Variants in ACACA observed in about 807,000 individuals in gnomAD.
ACACA encodes the protein acetyl-CoA carboxylase alpha.
Under a neutral mutation model 296.1 loss-of-function variants are expected in ACACA, and 103 were observed. The ratio of observed to expected loss-of-function variants is 0.35; its 90% CI spans 0.30 to 0.41. ACACA has a LOEUF of 0.41. Ranked by LOEUF, ACACA falls within the 10% of genes least tolerant of loss-of-function variation. ACACA has a pLI of 1.00. For synonymous variants in ACACA, 953 were observed against 1,038.6 expected, an observed-to-expected ratio of 0.92 and a Z score of 1.58; for missense variants, 1,554 against 2,989.7, an observed-to-expected ratio of 0.52 and a Z score of 11.20.
chr17:37,330,703 G>A (rs1476263516), intron 2 of ACACA, among the ~76,000 whole-genome samples: 1 of 152,118 alleles, frequency 6.6e-6, no homozygotes, highest in Non-Finnish European at 1.5e-5. Context: ...ATTTTCATTT[G>A]GTGGTGTCCA....
chr17:37,369,198 A>C (rs1318912312), intron 1 of ACACA, among the ~76,000 whole-genome samples: 1 of 152,184 alleles, frequency 6.6e-6, no homozygotes, highest in Non-Finnish European at 1.5e-5. Flanking sequence ...CCTGCTACAA[A>C]AACAGGCAAA....
At chr17:37,237,435 C>A (rs965611838) in intron 24 of ACACA, among the ~76,000 whole-genome samples, 1 of 152,186 alleles carries the variant, frequency 6.6e-6, no homozygotes, top group African/African-American at 2.4e-5. Flanking sequence ...TTATTAGGTA[C>A]TGACCAACTG....
intron 45 of ACACA, among the ~76,000 whole-genome samples, chr17:37,130,509 C>T (rs1183760100): frequency 2.6e-5 from 4 of 152,022 alleles, no homozygotes; most frequent in Non-Finnish European, 5.9e-5. Context: ...CAACGCGGCA[C>T]ATGTATACAT....
intron 41 of ACACA, among the ~76,000 whole-genome samples, chr17:37,174,524 T>TTTTTTC (rs941605943): frequency 2.6e-5 from 4 of 152,146 alleles, no homozygotes; most frequent in Non-Finnish European, 4.4e-5. Flanking sequence ...CATTCAATTT[T>TTTTTTC]TTTTTCTTTT....
In ACACA at chr17:37,259,504, C is replaced by T. The variant is rs1298790341; in HGVS notation, c.1356G>A (p.Val452=). ...CCACAGTCCCAGCACTCACATAACC[C>T]ACCATTTTGGCAAGTTTCACCGCAC... ...EQCAVKLAKM[V]GYVSAGTVEY... The change falls in exon 12 of 56, where the codon GTG becomes GTA. Residue 452 remains valine (V), a synonymous_variant. Transcript: ENST00000616317. 2 of 1,614,176 alleles carry T rather than the reference C, an allele frequency of 1.2e-6. No homozygotes were observed. Among genetic ancestry groups the T allele is most frequent in the Non-Finnish European group, 8.5e-7 (1 of 1,180,038 alleles).
intron 14 of ACACA, among the ~76,000 whole-genome samples, chr17:37,254,429 A>C (rs963329125): frequency 2.0e-5 from 3 of 152,132 alleles, no homozygotes; most frequent in Non-Finnish European, 2.9e-5. Flanking sequence ...TACAAACTTC[A>C]ATTATCAATC....
intron 1 of ACACA, among the ~76,000 whole-genome samples, chr17:37,346,636 A>G (rs2048633437): frequency 6.8e-6 from 1 of 146,606 alleles, no homozygotes; most frequent in Non-Finnish European, 1.5e-5. Context: ...TGAAAGGTGG[A>G]GCTTGCAGTG....
chr17:37,202,856 A>G (rs2078328315), intron 33 of ACACA, among the ~76,000 whole-genome samples: 1 of 151,270 alleles, frequency 6.6e-6, no homozygotes. Flanking sequence ...TTAGGCAAAG[A>G]TATTGGATTT....
At chr17:37,107,126 C>G (rs1290592910) in intron 52 of ACACA, among the ~76,000 whole-genome samples, 1 of 152,152 alleles carries the variant, frequency 6.6e-6, no homozygotes, top group Non-Finnish European at 1.5e-5. Context: ...ACACAGTGGC[C>G]ATAGTGTCAG....
chr17:37,364,113 ACT>A (rs550453856), intron 1 of ACACA, among the ~76,000 whole-genome samples: 248 of 151,298 alleles, frequency 1.6e-3, no homozygotes, highest in African/African-American at 5.8e-3. Flanking sequence ...ACAGAGTGAG[ACT>A]CTGTCAAAAA....
intron 10 of ACACA, among the ~76,000 whole-genome samples, chr17:37,266,421 C>CAA (rs57539782): frequency 9.5e-6 from 1 of 104,756 alleles, no homozygotes; most frequent in South Asian, 3.1e-4. Flanking sequence ...CTCAAGAAAA[C>CAA]AAAAAAAAAA....
chr17:37,222,849 A>G (rs905383927), intron 28 of ACACA, among the ~76,000 whole-genome samples: 2 of 152,170 alleles, frequency 1.3e-5, no homozygotes, highest in African/African-American at 2.4e-5. Flanking sequence ...CAGGGCCTGC[A>G]ATTTTTGTGC....
chr17:37,200,581 CATCCTTTTTGGAT>C, intron 33 of ACACA, 98 bp from the exon 34 acceptor site: 1 of 1,130,184 alleles, frequency 8.8e-7, no homozygotes, highest in Non-Finnish European at 1.3e-6. Flanking sequence ...TGGAGTTAAA[CATCCTTTTTGGAT>C]ATCCTTATCT....
At chr17:37,092,277 A>C (rs1199385534) in intron 54 of ACACA, among the ~76,000 whole-genome samples, 1 of 151,528 alleles carries the variant, frequency 6.6e-6, no homozygotes, top group Non-Finnish European at 1.5e-5. Flanking sequence ...GTGAGACAAA[A>C]AAAAAAAAAA....
Position 37,210,312 on chromosome 17 carries a change from G to T in ACACA, c.3707+155C>A, listed in dbSNP as rs1034559799. On this transcript the variant is annotated intron_variant, in intron 30 of 55. Transcript: ENST00000616317. ...AAGCTGAAGCCATGTTTTCCAAACA[G>T]AAAGAATAATTTAGTATGTCCAAAG... 1.3e-5 allele frequency among the ~76,000 whole-genome samples: 2 copies of T among 152,070 alleles called. 1 individual carries two copies. Among genetic ancestry groups the T allele is most frequent in the East Asian group, 3.8e-4 (2 of 5,200 alleles).
intron 42 of ACACA, among the ~76,000 whole-genome samples, chr17:37,160,503 T>C (rs967723703): frequency 3.9e-5 from 6 of 152,028 alleles, no homozygotes; most frequent in Non-Finnish European, 7.4e-5. Context: ...TGTTACAGGT[T>C]TGAGGGGAGA....
chr17:37,127,801 G>A (rs899930965), intron 47 of ACACA, among the ~76,000 whole-genome samples: 8 of 142,626 alleles, frequency 5.6e-5, no homozygotes, highest in African/African-American at 2.1e-4. Flanking sequence ...CCGAGATCGC[G>A]CCACTGCACT....
intron 3 of ACACA, among the ~76,000 whole-genome samples, chr17:37,287,592 A>G (rs1206890606): frequency 7.5e-6 from 1 of 132,666 alleles, no homozygotes; most frequent in African/African-American, 2.9e-5. Context: ...AAAAAAAAAC[A>G]AATATCCAGG....
At chr17:37,312,870 A>T (rs1436934112) in intron 3 of ACACA, among the ~76,000 whole-genome samples, 3 of 152,176 alleles carry the variant, frequency 2.0e-5, no homozygotes, top group African/African-American at 7.2e-5. Context: ...CTACAAAAAA[A>T]ATTTTTAAAG....
Sources: allele counts gnomAD v4.1 joint callset (sites outside exome capture counted in the v4.1 genomes callset), GRCh38; gene constraint gnomAD v4.1.1; transcripts MANE v1.5; gene names NCBI Gene and HGNC (gene_info 2026-07-23, HGNC 2026-07-21).